The following KREMEN2 variants were observed in gnomAD, a reference collection of about 807,000 sequenced individuals.
KREMEN2 encodes the protein kremen protein 2.
Under a neutral mutation model 49.8 loss-of-function variants are expected in KREMEN2, and 43 were observed. That is an observed-to-expected ratio of 0.86 (90% CI 0.68 to 1.11). The LOEUF is 1.11. KREMEN2 is among the 50% of genes most tolerant of loss of function. The pLI is 0.00. For missense variants in KREMEN2, 686 were observed against 665.7 expected (o/e 1.03, Z -0.34); for synonymous variants, 355 against 304.9 (o/e 1.16, Z -1.71).
At chr16:2,965,617 A>C (rs2071802385) in intron 2 of KREMEN2, among the ~76,000 whole-genome samples, 1 of 152,120 alleles carries the variant, frequency 6.6e-6, no homozygotes, top group Admixed American at 6.5e-5. Context: ...TAAAAATACA[A>C]AAAATTAGCG....
chr16:2,965,167 C>T, intron 2 of KREMEN2, 134 bp downstream of exon 2: 1 of 14,844 alleles, frequency 6.7e-5, no homozygotes, highest in Non-Finnish European at 1.1e-4. Context: ...AACCTGGGGG[C>T]GGGGCCAGAA....
intron 2 of KREMEN2, 37 bp downstream of exon 2, chr16:2,965,070 C>T (rs1470004451): frequency 1.4e-6 from 2 of 1,471,392 alleles, no homozygotes; most frequent in African/African-American, 1.5e-5. Flanking sequence ...CGAGGCTGGG[C>T]TCACCATTGC....
chr16:2,967,810 G>A lies in KREMEN2; in HGVS notation c.1179G>A (p.Arg393=), dbSNP rs774303459. ...LLGLLRPLRR[R]SCLLAPGKGP... is the part of the protein sequence containing the mutation. The stretch of plus-strand genomic sequence containing the variant: ...CGGCTGATGTCTGCTCCCTCTCTAG[G>A]AGCTGTCTGCTGGCTCCGGGAAAAG... The change falls in exon 9 of 9, where the codon CGG becomes CGA. Residue 393 remains arginine (R), a splice_region_variant and synonymous_variant. Transcript: ENST00000303746. 11 of 1,549,882 alleles carry A rather than the reference G, an allele frequency of 7.1e-6. No homozygotes were observed. Among genetic ancestry groups the A allele is most frequent in the South Asian group, 2.4e-5 (2 of 84,080 alleles).
Position 2,968,176 on chromosome 16 carries a change from A to G in KREMEN2, c.*156A>G, listed in dbSNP as rs891005639. ...AGTCGGACAGGAAACATCTGGTGCT[A>G]TTATCTGGGACTTGGCCTGACCGTG... On this transcript the variant is annotated 3_prime_UTR_variant, in exon 9 of 9. Coordinates refer to ENST00000303746, the MANE Select transcript of KREMEN2 (RefSeq NM_172229.3). 3.0e-5 allele frequency: 28 copies of G among 935,368 alleles called. No individual in the cohort carries two copies. Among genetic ancestry groups the G allele is most frequent in the Non-Finnish European group, 8.2e-6 (5 of 610,060 alleles). The allele number at this position is 935,368 out of a possible 1,614,324, so 57.9% of individuals were successfully genotyped here. A position where few individuals can be genotyped will look rare whatever the true frequency, so the allele number is the denominator to read the frequency against.
At position 2,967,900 on chromosome 16, in the gene KREMEN2, C is replaced by G. The variant is rs2071871180; in HGVS notation, c.1269C>G (p.Pro423=). Residue 423 remains proline (P), a synonymous_variant, in exon 9 of 9, where the codon CCC becomes CCG. Transcript: ENST00000303746. ...RRSWAVWYQQ[P]RGVALPCSPG... Reference sequence around the variant, plus strand: ...GCTGGGCTGTGTGGTACCAACAGCCCCGAGGGGTGGCCTTGCCCTGCTCCC... The same window carrying G: ...GCTGGGCTGTGTGGTACCAACAGCCGCGAGGGGTGGCCTTGCCCTGCTCCC... The G allele has an allele frequency of 6.4e-7, 1 of 1,562,142 alleles. No individual in the cohort carries two copies. Among genetic ancestry groups the G allele is most frequent in the Non-Finnish European group, 8.7e-7 (1 of 1,154,154 alleles).
In KREMEN2 at chr16:2,966,693, C is replaced by T; in HGVS notation, c.538C>T (p.Leu180=). Residue 180 remains leucine (L), a synonymous_variant, in exon 5 of 9, where the codon CTG becomes TTG. Transcript: ENST00000303746. The surrounding 1 kb of genome is among the most constrained non-coding windows in gnomAD (Gnocchi z 8.4). ...CTGCTTCTGTGGCTCTGAAAGCGAC[C>T]TGGCCCGGGGACGCCTGGCCCCCGC... is the stretch of plus-strand genomic sequence containing the variant. ...YACFCGSESD[L]ARGRLAPATD... is the part of the protein sequence containing the mutation. The T allele has an allele frequency of 6.2e-7, 1 of 1,611,520 alleles. No homozygotes were observed. Among genetic ancestry groups the T allele is most frequent in the Non-Finnish European group, 8.5e-7 (1 of 1,179,886 alleles).
rs553479653 is a variant in KREMEN2 at position 2,966,028 on chromosome 16, C to T, written c.270-112C>T. The stretch of plus-strand genomic sequence containing the variant: ...GTGGGTGTACAGCAGGCAGCACAGC[C>T]GCTCACAGGCACAGAGCCTTGAAGG... On this transcript the variant is annotated intron_variant, in intron 2 of 8. Coordinates refer to ENST00000303746, the MANE Select transcript of KREMEN2 (RefSeq NM_172229.3). This position sits in a 1 kb window ranked among gnomAD's most constrained non-coding sequence, Gnocchi z 8.4. 5.4e-5 allele frequency: 48 copies of T among 887,708 alleles called. No homozygotes were observed. The highest frequency in any genetic ancestry group is 8.3e-5 in the Non-Finnish European group (46 of 552,562). 55.0% of individuals were successfully genotyped at this position (887,708 alleles called of 1,614,324 possible).
intron 8 of KREMEN2, 97 bp downstream of exon 8, chr16:2,967,701 A>G: frequency 1.3e-6 from 2 of 1,548,138 alleles, no homozygotes; most frequent in Non-Finnish European, 1.7e-6. Flanking sequence ...TGGGTTCTTA[A>G]GGGAGCGAGG....
chr16:2,966,145 C>G lies in KREMEN2; in HGVS notation c.275C>G (p.Pro92Arg). 2 of 1,612,036 alleles carry G rather than the reference C, an allele frequency of 1.2e-6. No individual in the cohort carries two copies. The highest frequency in any genetic ancestry group is 1.7e-6 in the Non-Finnish European group (2 of 1,179,958). ...GLGAHNFCRN[P>R]DGDVQPWCYV... is the part of the protein sequence containing the mutation. Reference sequence around the variant, plus strand: ...CACCTCCCTCCCACCCGCAGTAACCCAGACGGTGACGTGCAGCCGTGGTGC... The same window carrying G: ...CACCTCCCTCCCACCCGCAGTAACCGAGACGGTGACGTGCAGCCGTGGTGC... Residue 92 changes from proline (P) to arginine (R), a missense_variant, in exon 3 of 9, where the codon CCA becomes CGA. Pro to Arg is a moderately radical substitution (Grantham distance 103, BLOSUM62 -2). Coordinates refer to ENST00000303746, the MANE Select transcript of KREMEN2 (RefSeq NM_172229.3). The surrounding 1 kb of genome is among the most constrained non-coding windows in gnomAD (Gnocchi z 8.4).
In KREMEN2 at chr16:2,967,368, A is replaced by T; in HGVS notation, c.1022A>T (p.Gln341Leu). ...CCAGAGGCCCCCGAGGGCTCGGCCC[A>T]GACCCCCGCGGCGCCCCTCGACGGG... ...EDPEAPEGSA[Q>L]TPAAPLDGAN... is the part of the protein sequence containing the mutation. The change falls in exon 7 of 9, where the codon CAG becomes CTG. Residue 341 changes from glutamine to leucine, a missense_variant. Transcript: ENST00000303746. The T allele has an allele frequency of 7.1e-7, 1 of 1,402,114 alleles. No individual in the cohort carries two copies. Among genetic ancestry groups the T allele is most frequent in the Non-Finnish European group, 9.2e-7 (1 of 1,089,636 alleles). The allele number at this position is 1,402,114 out of a possible 1,614,324, so 86.9% of individuals were successfully genotyped here.
chr16:2,968,274 A>G lies in KREMEN2; in HGVS notation c.*254A>G, dbSNP rs1450827153. On this transcript the variant is annotated 3_prime_UTR_variant, in exon 9 of 9. Coordinates refer to ENST00000303746, the MANE Select transcript of KREMEN2 (RefSeq NM_172229.3). ...GGTCTCTGGTTTCGGAGGTCTTTGA[A>G]CCCCTCTGGGGGTGGTCCTGGACTG... is the stretch of plus-strand genomic sequence containing the variant. The G allele has an allele frequency of 7.9e-7, 1 of 1,263,462 alleles. No homozygotes were observed. Among genetic ancestry groups the G allele is most frequent in the South Asian group, 1.3e-5 (1 of 76,654 alleles). The allele number at this position is 1,263,462 out of a possible 1,614,324, so 78.3% of individuals were successfully genotyped here. A position where few individuals can be genotyped will look rare whatever the true frequency, so the allele number is the denominator to read the frequency against.
At position 2,968,046 on chromosome 16, in the gene KREMEN2, C is replaced by T. The variant is rs1269698693; in HGVS notation, c.*26C>T. ...CTCTGGGCCCCGAGGGTCCGCTGGG[C>T]CCGCCGCCGGCGAGATGGACACCTG... On this transcript the variant is annotated 3_prime_UTR_variant, in exon 9 of 9. Transcript: ENST00000303746. 1.3e-6 allele frequency: 2 copies of T among 1,531,504 alleles called. No individual in the cohort carries two copies. Among genetic ancestry groups the T allele is most frequent in the Non-Finnish European group, 1.8e-6 (2 of 1,142,768 alleles). The allele number at this position is 1,531,504 out of a possible 1,614,324, so 94.9% of individuals were successfully genotyped here. A position where few individuals can be genotyped will look rare whatever the true frequency, so the allele number is the denominator to read the frequency against.
In KREMEN2 at chr16:2,967,970, C is replaced by T; in HGVS notation, c.1339C>T (p.Leu447=). The T allele has an allele frequency of 6.3e-7, 1 of 1,586,016 alleles. No homozygotes were observed. Among genetic ancestry groups the T allele is most frequent in the Non-Finnish European group, 8.5e-7 (1 of 1,170,418 alleles). ...AEGSAAGYRP[L]SASSQSSLRS... ...GGGTTCTGCCGCGGGCTACCGGCCT[C>T]TGAGTGCCTCCAGCCAGAGCTCCCT... Residue 447 remains leucine, a synonymous_variant, in exon 9 of 9, where the codon CTG becomes TTG. Transcript: ENST00000303746.
chr16:2,967,151 CG>C lies in KREMEN2; in HGVS notation c.885del (p.Pro296ArgfsTer57). The C allele has an allele frequency of 1.4e-6, 2 of 1,386,982 alleles. No individual in the cohort carries two copies. Among genetic ancestry groups the C allele is most frequent in the Non-Finnish European group, 9.3e-7 (1 of 1,079,408 alleles). 85.9% of individuals were successfully genotyped at this position (1,386,982 alleles called of 1,614,324 possible). A position where few individuals can be genotyped will look rare whatever the true frequency, so the allele number is the denominator to read the frequency against. ...TCGATGGCGCCCGCCCACCGCCGTCCGGGCCGCTGCGCCTGGGCACTGCCGC... is the reference window on the plus strand; with the variant it reads ...TCGATGGCGCCCGCCCACCGCCGTCCGGCCGCTGCGCCTGGGCACTGCCGC... ...AFDGARPPPS[G>X]PLRLGTAALL... On this transcript the variant is annotated frameshift_variant, in exon 6 of 9. Coordinates refer to ENST00000303746, the MANE Select transcript of KREMEN2 (RefSeq NM_172229.3). LOFTEE classifies it high-confidence loss of function.
Position 2,968,121 on chromosome 16 carries a change from T to A in KREMEN2, c.*101T>A, listed in dbSNP as rs778842189. The A allele has an allele frequency of 1.3e-4, 166 of 1,273,420 alleles. No homozygotes were observed. The highest frequency in any genetic ancestry group is 1.7e-4 in the Non-Finnish European group (155 of 910,810). 78.9% of individuals were successfully genotyped at this position (1,273,420 alleles called of 1,614,324 possible). A position where few individuals can be genotyped will look rare whatever the true frequency, so the allele number is the denominator to read the frequency against. On this transcript the variant is annotated 3_prime_UTR_variant, in exon 9 of 9. Transcript: ENST00000303746. The stretch of plus-strand genomic sequence containing the variant: ...GGCCTTGCGCCTGTGTAGGGGCAGC[T>A]CGGCCTCTGGTCGCCTTGGGGAGAC...
Position 2,968,229 on chromosome 16 carries a change from A to C in KREMEN2, c.*209A>C. Reference sequence around the variant, plus strand: ...GGTCCAGATGGTCCAGGCCCTCTCCATGGACCTGTATGTGGGGGTGGTCTC... The same window carrying C: ...GGTCCAGATGGTCCAGGCCCTCTCCCTGGACCTGTATGTGGGGGTGGTCTC... On this transcript the variant is annotated 3_prime_UTR_variant, in exon 9 of 9. Transcript: ENST00000303746. 1 of 905,118 alleles carries C rather than the reference A, an allele frequency of 1.1e-6. No homozygotes were observed. Among genetic ancestry groups the C allele is most frequent in the Non-Finnish European group, 1.7e-6 (1 of 588,950 alleles). 56.1% of individuals were successfully genotyped at this position (905,118 alleles called of 1,614,324 possible).
At position 2,966,838 on chromosome 16, in the gene KREMEN2, G is replaced by A. The variant is rs781493505; in HGVS notation, c.640+43G>A. On this transcript the variant is annotated intron_variant, in intron 5 of 8. Transcript: ENST00000303746. This position sits in a 1 kb window ranked among gnomAD's most constrained non-coding sequence, Gnocchi z 8.4. ...ACCAGGGGCCTGGGCGGGCCTCGAG[G>A]TGGGGCCTGGCCGGGCAGGGGAGCC... 2 of 1,594,220 alleles carry A rather than the reference G, an allele frequency of 1.3e-6. No individual in the cohort carries two copies. The highest frequency in any genetic ancestry group is 1.7e-6 in the Non-Finnish European group (2 of 1,171,316).
intron 2 of KREMEN2, among the ~76,000 whole-genome samples, 168 bp downstream of exon 2, chr16:2,965,201 G>A (rs530366896): frequency 2.4e-4 from 37 of 151,524 alleles, no homozygotes; most frequent in African/African-American, 8.0e-4. Context: ...GGGGCGGGGC[G>A]GGGCGCGCGG....
Position 2,966,078 on chromosome 16 carries a change from C to A in KREMEN2, c.270-62C>A. On this transcript the variant is annotated intron_variant, in intron 2 of 8. Transcript: ENST00000303746. The surrounding 1 kb of genome is among the most constrained non-coding windows in gnomAD (Gnocchi z 8.4). The stretch of plus-strand genomic sequence containing the variant: ...GCCACTTTGAGCATAGGCTGCGGGG[C>A]CGGGCCTGGGTTTGCTATTCTTGGG... 1 of 1,463,152 alleles carries A rather than the reference C, an allele frequency of 6.8e-7. No homozygotes were observed. Among genetic ancestry groups the A allele is most frequent in the Non-Finnish European group, 9.5e-7 (1 of 1,047,160 alleles). 90.6% of individuals were successfully genotyped at this position (1,463,152 alleles called of 1,614,324 possible). A position where few individuals can be genotyped will look rare whatever the true frequency, so the allele number is the denominator to read the frequency against.
Sources: gnomAD v4.1 joint callset for allele counts (sites outside exome capture counted in the v4.1 genomes callset) on GRCh38, gnomAD v4.1.1 for gene constraint, Gnocchi (gnomAD v3.1) non-coding constraint, MANE v1.5 for transcripts, NCBI Gene and HGNC (gene_info 2026-07-23, HGNC 2026-07-21) for gene names.